Variants in COQ5 observed in about 807,000 individuals in gnomAD.
COQ5 encodes the protein coenzyme Q5, methyltransferase.
Under a neutral mutation model 40.5 loss-of-function variants are expected in COQ5, and 27 were observed. The observed-to-expected ratio is 0.67, with a 90% confidence interval of 0.49 to 0.92. COQ5 has a LOEUF of 0.92. Ranked by LOEUF, COQ5 falls within the 40% of genes least tolerant of loss-of-function variation. The pLI is 0.00. For synonymous variants in COQ5, 141 were observed against 150.0 expected (o/e 0.94, Z 0.44); for missense variants, 409 against 406.4 (o/e 1.01, Z -0.06).
At chr12:120,518,426 C>CAAA (rs1216184668) in intron 2 of COQ5, among the ~76,000 whole-genome samples, 1 of 71,452 alleles carries the variant, frequency 1.4e-5, no homozygotes, top group Non-Finnish European at 2.6e-5. Flanking sequence ...AGACCGTTTC[C>CAAA]AAAAAAAAAA....
In COQ5 at chr12:120,528,967, C is replaced by G; in HGVS notation, c.175G>C (p.Val59Leu). The change falls in exon 1 of 7, where the codon GTG becomes CTG. Residue 59 changes from valine (V) to leucine (L), a missense_variant. Val to Leu is a conservative substitution (Grantham distance 32). Coordinates refer to ENST00000288532, the MANE Select transcript of COQ5 (RefSeq NM_032314.4). ...AAETHFGFET[V>L]SEEEKGGKVY... ...TTGCCCCCCTTCTCCTCTTCCGACACAGTCTCAAACCCAAAGTGCGTTTCC... is the reference window on the plus strand; with the variant it reads ...TTGCCCCCCTTCTCCTCTTCCGACAGAGTCTCAAACCCAAAGTGCGTTTCC... 6.2e-7 allele frequency: 1 copy of G among 1,614,178 alleles called. No homozygotes were observed. The highest frequency in any genetic ancestry group is 8.5e-7 in the Non-Finnish European group (1 of 1,180,038).
chr12:120,524,054 G>T (rs1267408342), intron 1 of COQ5: 3 of 280,306 alleles, frequency 1.1e-5, no homozygotes, highest in South Asian at 8.2e-5. Context: ...GAAAGACCTC[G>T]GCTCATGTCT....
At chr12:120,522,687 G>A (rs967212118) in intron 1 of COQ5, 21 of 654,092 alleles carry the variant, frequency 3.2e-5, no homozygotes, top group Non-Finnish European at 5.2e-5. Flanking sequence ...GTAGGTGTCC[G>A]GGCACCTTTG....
At chr12:120,527,914 G>A (rs934598257) in intron 1 of COQ5, among the ~76,000 whole-genome samples, 1 of 144,036 alleles carries the variant, frequency 6.9e-6, no homozygotes, top group East Asian at 2.1e-4. Flanking sequence ...GTGAAGCCAG[G>A]AGGCGGAGCT....
At chr12:120,510,368 C>T (rs1424970260) in intron 3 of COQ5, among the ~76,000 whole-genome samples, 2 of 152,040 alleles carry the variant, frequency 1.3e-5, no homozygotes, top group Non-Finnish European at 2.9e-5. Context: ...GGCTGGAGTA[C>T]AGTGGCACAC....
chr12:120,524,361 C>T (rs977228600), intron 1 of COQ5, among the ~76,000 whole-genome samples: 5 of 151,828 alleles, frequency 3.3e-5, no homozygotes, highest in South Asian at 4.2e-4. Flanking sequence ...CCCGGGTTCA[C>T]GCCATTCTCC....
At chr12:120,508,398 A>G (rs1868976948) in intron 4 of COQ5, among the ~76,000 whole-genome samples, 1 of 152,168 alleles carries the variant, frequency 6.6e-6, no homozygotes, top group Non-Finnish European at 1.5e-5. Context: ...AAACAAAAAA[A>G]AAGGAAAAAG....
chr12:120,525,929 A>AACAT (rs1435588416), intron 1 of COQ5, among the ~76,000 whole-genome samples: 1 of 13,132 alleles, frequency 7.6e-5, no homozygotes, highest in East Asian at 8.8e-4. Context: ...CATCTCCAAA[A>AACAT]AAATAAATAT....
At chr12:120,522,846 C>A in intron 1 of COQ5, 1 of 692,420 alleles carries the variant, frequency 1.4e-6, no homozygotes, top group Non-Finnish European at 2.6e-6. Flanking sequence ...ATCGAGCTTG[C>A]GGCTGACACC....
At chr12:120,523,001 G>T in intron 1 of COQ5, 1 of 543,928 alleles carries the variant, frequency 1.8e-6, no homozygotes, top group South Asian at 3.5e-5. Flanking sequence ...TGTTCCTCAG[G>T]AACTTGGGGT....
At chr12:120,508,786 G>C (rs1204620431) in intron 4 of COQ5, among the ~76,000 whole-genome samples, 1 of 152,118 alleles carries the variant, frequency 6.6e-6, no homozygotes, top group Non-Finnish European at 1.5e-5. Flanking sequence ...AGCACTTTGG[G>C]AGGCCAAGGC....
At chr12:120,519,835 A>T (rs557871647) in intron 2 of COQ5, among the ~76,000 whole-genome samples, 1 of 148,026 alleles carries the variant, frequency 6.8e-6, no homozygotes, top group East Asian at 2.0e-4. Context: ...GTGCCATTGC[A>T]CTTCAGCCTG....
chr12:120,519,003 T>A (rs1399139914), intron 2 of COQ5, among the ~76,000 whole-genome samples: 1 of 152,228 alleles, frequency 6.6e-6, no homozygotes, highest in Non-Finnish European at 1.5e-5. Context: ...AACAGGGATA[T>A]TGTATACATT....
intron 3 of COQ5, among the ~76,000 whole-genome samples, chr12:120,510,359 G>C (rs1869073117): frequency 6.6e-6 from 1 of 151,868 alleles, no homozygotes; most frequent in African/African-American, 2.4e-5. Context: ...TCTCACCCAG[G>C]CTGGAGTACA....
rs753822558 is a variant in COQ5 at position 120,516,783 on chromosome 12, T to C, written c.358A>G (p.Ile120Val). 4 of 1,613,884 alleles carry C rather than the reference T, an allele frequency of 2.5e-6. No homozygotes were observed. Among genetic ancestry groups the C allele is most frequent in the South Asian group, 1.1e-5 (1 of 91,078 alleles). Residue 120 changes from isoleucine to valine, a missense_variant, in exon 3 of 7, where the codon ATT becomes GTT. Ile to Val is a conservative substitution (Grantham distance 29, BLOSUM62 3). Transcript: ENST00000288532. ...LLDVAGGTGD[I>V]AFRFLNYVQS... ...ACATAATTAAGGAACCGGAATGCAA[T>C]GTCACCTGTGGGAAGCCAACATGAG... is the stretch of plus-strand genomic sequence containing the variant.
rs1184754506 is a variant in COQ5 at position 120,503,514 on chromosome 12, CCA to C, written c.*268_*269del. On this transcript the variant is annotated 3_prime_UTR_variant, in exon 7 of 7. Coordinates refer to ENST00000288532, the MANE Select transcript of COQ5 (RefSeq NM_032314.4). ...AGCTTTAGGGGTGGTTGTACCTTAA[CCA>C]CACACCCTACAGCCAAGAGAAATTA... 6.9e-6 allele frequency: 4 copies of C among 582,690 alleles called. No homozygotes were observed. Among genetic ancestry groups the C allele is most frequent in the Non-Finnish European group, 1.3e-5 (4 of 309,018 alleles). 36.1% of individuals were successfully genotyped at this position (582,690 alleles called of 1,614,324 possible).
intron 2 of COQ5, among the ~76,000 whole-genome samples, chr12:120,521,537 G>A (rs1343936337): frequency 1.3e-5 from 2 of 152,070 alleles, no homozygotes; most frequent in African/African-American, 4.8e-5. Flanking sequence ...TTAGCCAGGC[G>A]TGGTGGTGCA....
At chr12:120,523,868 G>A in intron 1 of COQ5, 3 of 363,946 alleles carry the variant, frequency 8.2e-6, no homozygotes, top group South Asian at 5.8e-5. Context: ...AAATTAGCTG[G>A]GCATGGTTGT....
rs1482034206 is a variant in COQ5, at chr12:120,516,718, C to T, written c.423G>A (p.Arg141=). 8.1e-6 allele frequency: 13 copies of T among 1,614,136 alleles called. No homozygotes were observed. The highest frequency in any genetic ancestry group is 1.3e-5 in the African/African-American group (1 of 75,040). Residue 141 remains arginine (R), a synonymous_variant, in exon 3 of 7, where the codon AGG becomes AGA. Transcript: ENST00000288532. ...CTTCCCAGGATAAATTTTGTTGGGCCCTTAACTGCCTCTTCTGTTTTCTCT... is the reference window on the plus strand; with the variant it reads ...CTTCCCAGGATAAATTTTGTTGGGCTCTTAACTGCCTCTTCTGTTTTCTCT... ...QHQRKQKRQL[R]AQQNLSWEEI...
Sources: allele counts gnomAD v4.1 joint callset (sites outside exome capture counted in the v4.1 genomes callset), GRCh38; gene constraint gnomAD v4.1.1; transcripts MANE v1.5; gene names NCBI Gene and HGNC (gene_info 2026-07-23, HGNC 2026-07-21).